Variants in AGPS observed in about 807,000 individuals in gnomAD.
AGPS encodes the protein alkyldihydroxyacetonephosphate synthase, peroxisomal.
In AGPS, 26 loss-of-function variants were observed where a neutral mutation model predicts 90.7. The observed-to-expected ratio is 0.29, with a 90% CI of 0.21 to 0.40. The LOEUF is 0.40. Ranked by LOEUF, AGPS falls within the 10% of genes least tolerant of loss-of-function variation. The pLI is 1.00. For synonymous variants in AGPS, 294 were observed against 285.3 expected (o/e 1.03, Z -0.31); for missense variants, 540 against 816.1 (o/e 0.66, Z 4.12).
At chr2:177,443,878 G>A (rs1189148511) in intron 7 of AGPS, among the ~76,000 whole-genome samples, 1 of 152,102 alleles carries the variant, frequency 6.6e-6, no homozygotes, top group Non-Finnish European at 1.5e-5. Context: ...TGCCTATGAA[G>A]TTTTTTCTGC....
At chr2:177,403,970 G>A (rs2105589543) in intron 1 of AGPS, among the ~76,000 whole-genome samples, 1 of 152,230 alleles carries the variant, frequency 6.6e-6, no homozygotes, top group East Asian at 1.9e-4. Flanking sequence ...TTAAAAAAGG[G>A]CCTTAATGAG....
intron 8 of AGPS, among the ~76,000 whole-genome samples, chr2:177,454,049 C>T (rs2105655235): frequency 6.8e-6 from 1 of 147,700 alleles, no homozygotes; most frequent in Admixed American, 7.0e-5. Flanking sequence ...TTGTCATGGA[C>T]CTTGGTGTAG....
In AGPS at chr2:177,541,190, C is replaced by T. The variant is rs998066252; in HGVS notation, c.*2995C>T. The T allele has an allele frequency of 2.0e-5, 3 of 152,082 alleles. No individual in the cohort carries two copies. Among genetic ancestry groups the T allele is most frequent in the Admixed American group, 6.6e-5 (1 of 15,228 alleles). The allele number at this position is 152,082 out of a possible 1,614,324, so 9.4% of individuals were successfully genotyped here. A position where few individuals can be genotyped will look rare whatever the true frequency, so the allele number is the denominator to read the frequency against. On this transcript the variant is annotated 3_prime_UTR_variant, in exon 20 of 20. Transcript: ENST00000264167. ...ATTGCAATAAAGGATGAGCTTCCAT[C>T]GGTGTGTATGGTATACCAGATACAG...
Position 177,445,910 on chromosome 2 carries a change from G to T in AGPS, c.870+284G>T, listed in dbSNP as rs375254804. Among the ~76,000 whole-genome samples the T allele has an allele frequency of 3.9e-5, 6 of 152,304 alleles. No individual in the cohort carries two copies. The East Asian group carries it at 1.2e-3, about 29-fold the overall frequency. Reference sequence around the variant, plus strand: ...TAATTAATTATTTGGAGTGAAAATTGCTATGTGGATGCTAAATGCAGGGTA... The same window carrying T: ...TAATTAATTATTTGGAGTGAAAATTTCTATGTGGATGCTAAATGCAGGGTA... On this transcript the variant is annotated intron_variant, in intron 8 of 19. Coordinates refer to ENST00000264167, the MANE Select transcript of AGPS (RefSeq NM_003659.4).
intron 2 of AGPS, among the ~76,000 whole-genome samples, chr2:177,431,381 C>T (rs889647009): frequency 2.0e-5 from 3 of 152,238 alleles, no homozygotes; most frequent in East Asian, 1.9e-4. Flanking sequence ...GGTCTGTGTT[C>T]GGCTGTGCAC....
intron 1 of AGPS, chr2:177,393,657 G>T: frequency 5.0e-6 from 4 of 795,628 alleles, no homozygotes; most frequent in Non-Finnish European, 4.6e-6. Flanking sequence ...TATAGCTACT[G>T]AGCTCTGTGT....
chr2:177,470,452 C>T (rs1687580979), intron 10 of AGPS, among the ~76,000 whole-genome samples: 1 of 151,842 alleles, frequency 6.6e-6, no homozygotes, highest in Non-Finnish European at 1.5e-5. Context: ...ACCTGTAATC[C>T]CAGCACTTTG....
rs148787463 is a variant in AGPS at position 177,480,049 on chromosome 2, G to A, written c.1106-2010G>A. On this transcript the variant is annotated intron_variant, in intron 10 of 19. Coordinates refer to ENST00000264167, the MANE Select transcript of AGPS (RefSeq NM_003659.4). ...TACAAAATTAGCCAGGCATGGTGGC[G>A]CATGTCTGTAATCCAGCTACTCAGG... Among the ~76,000 whole-genome samples, 613 of 152,114 alleles carry A rather than the reference G, an allele frequency of 4.0e-3. 5 individuals carry two copies. Among genetic ancestry groups the A allele is most frequent in the East Asian group, 0.032 (167 of 5,156 alleles).
chr2:177,476,775 T>C (rs1272473780), intron 10 of AGPS, among the ~76,000 whole-genome samples: 1 of 152,146 alleles, frequency 6.6e-6, no homozygotes, highest in Non-Finnish European at 1.5e-5. Flanking sequence ...CCAACTGTTA[T>C]TGTTGAATTA....
chr2:177,461,964 A>G lies in AGPS; in HGVS notation c.942A>G (p.Val314=), dbSNP rs1294771746. The G allele has an allele frequency of 1.2e-6, 2 of 1,612,716 alleles. No homozygotes were observed. Among genetic ancestry groups the G allele is most frequent in the African/African-American group, 1.3e-5 (1 of 74,876 alleles). Residue 314 remains valine, a synonymous_variant, in exon 9 of 20, where the codon GTA becomes GTG. Transcript: ENST00000264167. Reference sequence around the variant, plus strand: ...AGTTCAGTACTGTAGGAGGATGGGTATCTACTCGCGCATCAGGCATGAAGA... The same window carrying G: ...AGTTCAGTACTGTAGGAGGATGGGTGTCTACTCGCGCATCAGGCATGAAGA... ...SLEFSTVGGW[V]STRASGMKKN...
intron 19 of AGPS, among the ~76,000 whole-genome samples, chr2:177,524,100 T>TA (rs1199189366): frequency 6.6e-6 from 1 of 152,142 alleles, no homozygotes; most frequent in Non-Finnish European, 1.5e-5. Flanking sequence ...ACTTGACCAT[T>TA]ACAGCAAACG....
At chr2:177,400,999 T>C (rs1460601097) in intron 1 of AGPS, among the ~76,000 whole-genome samples, 1 of 152,242 alleles carries the variant, frequency 6.6e-6, no homozygotes, top group Non-Finnish European at 1.5e-5. Context: ...ACATATACTA[T>C]GGAGTGGATA....
At chr2:177,508,069 G>A in intron 16 of AGPS, 38 bp downstream of exon 16, 1 of 1,434,058 alleles carries the variant, frequency 7.0e-7, no homozygotes. Context: ...ATTCAAATAT[G>A]CGATATGAAT....
At chr2:177,462,413 GAAAA>G (rs1368458423) in intron 9 of AGPS, among the ~76,000 whole-genome samples, 2 of 109,434 alleles carry the variant, frequency 1.8e-5, no homozygotes, top group African/African-American at 6.4e-5. Context: ...AAAGAAAAAA[GAAAA>G]AGAGTTGGAT....
chr2:177,412,715 A>T (rs1427807766), intron 1 of AGPS, among the ~76,000 whole-genome samples: 1 of 152,160 alleles, frequency 6.6e-6, no homozygotes, highest in African/African-American at 2.4e-5. Context: ...GATGGCAGCA[A>T]GCCTCTTGTT....
intron 3 of AGPS, among the ~76,000 whole-genome samples, chr2:177,435,122 T>C (rs1198247458): frequency 6.6e-6 from 1 of 151,362 alleles, no homozygotes; most frequent in East Asian, 1.9e-4. Context: ...TGTGTTTTTA[T>C]TATTATTTTG....
intron 18 of AGPS, 49 bp downstream of exon 18, chr2:177,521,417 A>C (rs1461406907): frequency 2.8e-6 from 4 of 1,424,706 alleles, no homozygotes; most frequent in Non-Finnish European, 4.0e-6. Context: ...GATTAATTTC[A>C]ATAAATTTTA....
In AGPS at chr2:177,467,775, C is replaced by T. The variant is rs145756399; in HGVS notation, c.997-641C>T. ...TTCTAAAAATATTTTGGATTTTTAC[C>T]TAACCACTTCTGATTCAGATCTCAG... On this transcript the variant is annotated intron_variant, in intron 9 of 19. Coordinates refer to ENST00000264167, the MANE Select transcript of AGPS (RefSeq NM_003659.4). 5.3e-4 allele frequency among the ~76,000 whole-genome samples: 80 copies of T among 152,038 alleles called. No homozygotes were observed. In the East Asian group the frequency reaches 0.013, roughly 25 times the overall value.
chr2:177,538,064 GT>G lies in AGPS; in HGVS notation c.1856-5del. The stretch of plus-strand genomic sequence containing the variant: ...CATATATTGAAGCATTTTTGATTTT[GT>G]TTTTCCAGTGGGCAAGTTACGGAAG... On this transcript the variant is annotated splice_polypyrimidine_tract_variant and intron_variant, in intron 19 of 19. Transcript: ENST00000264167. The G allele has an allele frequency of 6.2e-7, 1 of 1,612,848 alleles. No individual in the cohort carries two copies. Among genetic ancestry groups the G allele is most frequent in the Non-Finnish European group, 8.5e-7 (1 of 1,179,110 alleles).
Sources: allele counts gnomAD v4.1 joint callset (sites outside exome capture counted in the v4.1 genomes callset), GRCh38; gene constraint gnomAD v4.1.1; transcripts MANE v1.5; gene names NCBI Gene and HGNC (gene_info 2026-07-23, HGNC 2026-07-21).